The following CHRDL1 variants were observed in gnomAD, a reference collection of about 807,000 sequenced individuals.
CHRDL1 encodes the protein chordin-like protein 1.
A neutral mutation model predicts 40.9 loss-of-function variants in CHRDL1; 19 were observed. The ratio of observed to expected loss-of-function variants is 0.46; its 90% CI spans 0.32 to 0.68. The LOEUF (loss-of-function observed/expected upper bound fraction) is 0.68, where lower values mean the gene tolerates loss of function less well. Ranked by LOEUF, CHRDL1 falls within the 30% of genes least tolerant of loss-of-function variation. The pLI is 0.03. For synonymous variants in CHRDL1, 136 were observed against 123.4 expected, an observed-to-expected ratio of 1.10 and a Z score of -0.68; for missense variants, 329 against 352.1, an observed-to-expected ratio of 0.93 and a Z score of 0.53.
In CHRDL1 at chrX:110,749,830, T is replaced by C. The variant is rs191028356; in HGVS notation, c.301+9831A>G. ...TACAGTCATTTTAAGTCCAAAACCCTGAAGTAAAACTCTTTGGCTCTAGGC... is the reference window on the plus strand; with the variant it reads ...TACAGTCATTTTAAGTCCAAAACCCCGAAGTAAAACTCTTTGGCTCTAGGC... On this transcript the variant is annotated intron_variant, in intron 4 of 11. Transcript: ENST00000372042. Among the ~76,000 whole-genome samples the C allele has an allele frequency of 1.4e-3, 159 of 112,312 alleles. 1 individual carries two copies. The highest frequency in any genetic ancestry group is 4.9e-3 in the African/African-American group (151 of 30,905).
intron 1 of CHRDL1, among the ~76,000 whole-genome samples, chrX:110,795,305 C>T (rs1218136739): frequency 9.0e-6 from 1 of 111,474 alleles, no homozygotes; most frequent in African/African-American, 3.3e-5. Context: ...GGCAGATGGC[C>T]AGAGGATAGG....
In CHRDL1 at chrX:110,778,022, C is replaced by A. The variant is rs749589426; in HGVS notation, c.94+14066G>T. 3.2e-4 allele frequency among the ~76,000 whole-genome samples: 36 copies of A among 110,901 alleles called. No homozygotes were observed. The South Asian group carries it at 8.7e-3, about 27-fold the overall frequency. ...TGGAGAAAGGAATCCCTATTCAATA[C>A]GTAGTGTTAGGATAACTGGCTCGCC... On this transcript the variant is annotated intron_variant, in intron 2 of 11. Coordinates refer to ENST00000372042, the MANE Select transcript of CHRDL1 (RefSeq NM_001143981.2).
chrX:110,768,489 A>G (rs2089700670), intron 2 of CHRDL1, among the ~76,000 whole-genome samples: 1 of 110,553 alleles, frequency 9.0e-6, no homozygotes, highest in Non-Finnish European at 1.9e-5. Context: ...TTGAGTCAGT[A>G]GACTGGGAGA....
chrX:110,732,526 G>A (rs1215539567), intron 4 of CHRDL1, among the ~76,000 whole-genome samples: 1 of 111,876 alleles, frequency 8.9e-6, no homozygotes, highest in African/African-American at 3.3e-5. Flanking sequence ...AGTGGAAGAG[G>A]GCGCTGAAAG....
chrX:110,778,376 AG>A (rs2089886518), intron 2 of CHRDL1, among the ~76,000 whole-genome samples: 1 of 112,206 alleles, frequency 8.9e-6, no homozygotes, highest in African/African-American at 3.2e-5. Flanking sequence ...TCTAATATCA[AG>A]AATCTGTAAG....
intron 4 of CHRDL1, among the ~76,000 whole-genome samples, chrX:110,753,498 T>C (rs2089398007): frequency 1.8e-5 from 2 of 112,014 alleles, no homozygotes; most frequent in South Asian, 7.4e-4. Flanking sequence ...ACTTGTACAA[T>C]ATTGTAAATG....
intron 2 of CHRDL1, among the ~76,000 whole-genome samples, chrX:110,771,354 A>G (rs141397682): frequency 0.021 from 2,355 of 111,817 alleles, 67 homozygotes; most frequent in African/African-American, 0.072. Context: ...TTACACTGAT[A>G]CCAAAACCAG....
At chrX:110,762,949 G>A in intron 2 of CHRDL1, 142 bp from the exon 3 acceptor site, 2 of 466,332 alleles carry the variant, frequency 4.3e-6, no homozygotes, top group Admixed American at 7.3e-5. Flanking sequence ...CCTATTAGGG[G>A]ATTAGTGTTA....
At position 110,762,702 on chromosome X, in the gene CHRDL1, C is replaced by G; in HGVS notation, c.200G>C (p.Cys67Ser). 1.8e-6 allele frequency: 2 copies of G among 1,119,424 alleles called. No homozygotes were observed. Among genetic ancestry groups the G allele is most frequent in the Non-Finnish European group, 2.5e-6 (2 of 814,912 alleles). The allele number at this position is 1,119,424 out of a possible 1,213,427, so 92.3% of individuals were successfully genotyped here. ...TGTCATGAGAGATTGTACCTCTGAGCAGATGCAGTTCACGCAGTAAACCAA... is the reference window on the plus strand; with the variant it reads ...TGTCATGAGAGATTGTACCTCTGAGGAGATGCAGTTCACGCAGTAAACCAA... ...YGLVYCVNCI[C>S]SENGNVLCSR... The change falls in exon 3 of 12, where the codon TGC (cysteine) becomes TCC (serine). Residue 67 changes from cysteine to serine, a missense_variant. Coordinates refer to ENST00000372042, the MANE Select transcript of CHRDL1 (RefSeq NM_001143981.2).
At chrX:110,757,364 G>A (rs2089473477) in intron 4 of CHRDL1, among the ~76,000 whole-genome samples, 1 of 109,207 alleles carries the variant, frequency 9.2e-6, no homozygotes, top group Non-Finnish European at 1.9e-5. Context: ...AAAGAAGAAA[G>A]TTTTAAAAGC....
intron 8 of CHRDL1, among the ~76,000 whole-genome samples, chrX:110,689,510 A>C (rs1248632555): frequency 3.7e-5 from 2 of 54,204 alleles, no homozygotes; most frequent in East Asian, 3.4e-4. Context: ...CTATATATCT[A>C]TATCTCTATA....
intron 6 of CHRDL1, among the ~76,000 whole-genome samples, chrX:110,706,468 T>C (rs962335266): frequency 1.3e-4 from 15 of 111,961 alleles, no homozygotes; most frequent in South Asian, 7.5e-4. Flanking sequence ...CCTATGAAGC[T>C]GTAATGGGTT....
intron 9 of CHRDL1, among the ~76,000 whole-genome samples, chrX:110,687,347 A>G (rs1185385627): frequency 9.0e-6 from 1 of 111,285 alleles, no homozygotes. Flanking sequence ...ACCTCAAATC[A>G]ATTAAATTAT....
chrX:110,735,867 G>A (rs910731662), intron 4 of CHRDL1, among the ~76,000 whole-genome samples: 33 of 112,519 alleles, frequency 2.9e-4, no homozygotes, highest in African/African-American at 1.0e-3. Flanking sequence ...TAATGAGCTC[G>A]GGGACAGGAT....
At chrX:110,747,346 C>A (rs753484070) in intron 4 of CHRDL1, among the ~76,000 whole-genome samples, 1 of 107,703 alleles carries the variant, frequency 9.3e-6, no homozygotes, top group Admixed American at 1.0e-4. Context: ...GGTTTTGGTA[C>A]TGCTATTCTT....
chrX:110,735,211 T>A (rs1441959761), intron 4 of CHRDL1, among the ~76,000 whole-genome samples: 1 of 111,811 alleles, frequency 8.9e-6, no homozygotes, highest in African/African-American at 3.3e-5. Context: ...GTCCACAAGA[T>A]GCTCTGTGAA....
chrX:110,787,213 C>T (rs750580067), intron 2 of CHRDL1, among the ~76,000 whole-genome samples: 11 of 111,530 alleles, frequency 9.9e-5, no homozygotes, highest in Non-Finnish European at 2.1e-4. Flanking sequence ...TACACAATCT[C>T]GTTTCTTCTT....
intron 2 of CHRDL1, among the ~76,000 whole-genome samples, chrX:110,771,214 A>T (rs753845045): frequency 5.4e-5 from 6 of 111,416 alleles, no homozygotes; most frequent in Non-Finnish European, 7.5e-5. Context: ...ATTGTAGTTG[A>T]AAACTTTCTT....
chrX:110,704,422 A>G (rs1164074887), intron 6 of CHRDL1, among the ~76,000 whole-genome samples: 1 of 111,850 alleles, frequency 8.9e-6, no homozygotes, highest in Non-Finnish European at 1.9e-5. Flanking sequence ...GTGGAAGCCT[A>G]TTCTGGCAAT....
Sources: allele counts gnomAD v4.1 joint callset (sites outside exome capture counted in the v4.1 genomes callset), GRCh38; gene constraint gnomAD v4.1.1; transcripts MANE v1.5; gene names NCBI Gene and HGNC (gene_info 2026-07-23, HGNC 2026-07-21).